TPGS1: variants seen among roughly 807,000 people sequenced by gnomAD.
The protein encoded by TPGS1 is gene trap ROSA b-geo 22.
A neutral mutation model predicts 11.9 loss-of-function variants in TPGS1; 18 were observed. The ratio of observed to expected loss-of-function variants is 1.51; its 90% CI spans 1.04 to 2.24. The LOEUF (loss-of-function observed/expected upper bound fraction) is 2.24. TPGS1 is among the 30% of genes most tolerant of loss of function. The pLI, the probability that TPGS1 is intolerant of heterozygous loss-of-function variation, is 0.00. For synonymous variants in TPGS1, 247 were observed against 218.2 expected (o/e 1.13, Z -1.16); for missense variants, 500 against 443.0 (o/e 1.13, Z -1.16).
intron 1 of TPGS1, among the ~76,000 whole-genome samples, chr19:516,043 A>AG (rs1177582660): frequency 5.0e-4 from 66 of 131,446 alleles, no homozygotes; most frequent in African/African-American, 1.5e-3. Flanking sequence ...AAAAAAAAAA[A>AG]AAAAGGAAGA....
In TPGS1 at chr19:519,605, CCCCCGCGGG is replaced by C. The variant is rs1398015066; in HGVS notation, c.*183_*191del. The C allele has an allele frequency of 5.4e-5, 22 of 406,556 alleles. No homozygotes were observed. The highest frequency in any genetic ancestry group is 8.2e-5 in the Non-Finnish European group (21 of 257,320). The allele number at this position is 406,556 out of a possible 1,614,324, so 25.2% of individuals were successfully genotyped here. On this transcript the variant is annotated 3_prime_UTR_variant, in exon 2 of 2. Transcript: ENST00000359315. ...ACACAGCGCCGCGGCCGCCCCTCCACCCCCGCGGGAGCCCCTGCCCCACGCTAATAAAAT... is the reference window on the plus strand; with the variant it reads ...ACACAGCGCCGCGGCCGCCCCTCCACAGCCCCTGCCCCACGCTAATAAAAT...
At chr19:516,459 A>C (rs1490105221) in intron 1 of TPGS1, among the ~76,000 whole-genome samples, 2 of 149,104 alleles carry the variant, frequency 1.3e-5, no homozygotes, top group African/African-American at 2.5e-5. Context: ...ATCTTGGCTC[A>C]CCGCAACCTC....
intron 1 of TPGS1, chr19:509,985 C>T (rs1280463025): frequency 6.6e-6 from 1 of 152,402 alleles, no homozygotes; most frequent in African/African-American, 2.4e-5. Flanking sequence ...CTCATGGAGC[C>T]AGGCCTGCTC....
chr19:510,259 G>C (rs949781758), intron 1 of TPGS1: 4 of 152,214 alleles, frequency 2.6e-5, no homozygotes, highest in Admixed American at 2.6e-4. Context: ...TGTAGTCCCA[G>C]CTACTCGGGA....
chr19:516,461 C>T (rs1289334256), intron 1 of TPGS1, among the ~76,000 whole-genome samples: 1 of 151,732 alleles, frequency 6.6e-6, no homozygotes, highest in Non-Finnish European at 1.5e-5. Context: ...CTTGGCTCAC[C>T]GCAACCTCCA....
chr19:515,113 C>T (rs1978912343), intron 1 of TPGS1, among the ~76,000 whole-genome samples: 1 of 152,164 alleles, frequency 6.6e-6, no homozygotes, highest in Non-Finnish European at 1.5e-5. Context: ...CGGAAGCTGC[C>T]ACAGGCCACA....
intron 1 of TPGS1, among the ~76,000 whole-genome samples, chr19:517,381 G>A (rs2145834941): frequency 2.0e-5 from 1 of 49,114 alleles, no homozygotes; most frequent in Admixed American, 2.4e-4. Flanking sequence ...TGAGCTGGGT[G>A]GAGGCTGGGA....
chr19:512,540 C>G (rs1978827915), intron 1 of TPGS1, among the ~76,000 whole-genome samples: 1 of 152,240 alleles, frequency 6.6e-6, no homozygotes, highest in South Asian at 2.1e-4. Context: ...TGAGAAGTAG[C>G]ACGATGGCTC....
At chr19:511,391 C>T (rs1978790776) in intron 1 of TPGS1, among the ~76,000 whole-genome samples, 1 of 152,272 alleles carries the variant, frequency 6.6e-6, no homozygotes, top group Admixed American at 6.5e-5. Flanking sequence ...GTAATTACCT[C>T]TTTGTGTGTC....
chr19:515,558 T>A, intron 1 of TPGS1, among the ~76,000 whole-genome samples: 1 of 146,616 alleles, frequency 6.8e-6, no homozygotes, highest in Non-Finnish European at 1.5e-5. Context: ...GCCGACATGG[T>A]GAAACCCCGT....
Position 519,432 on chromosome 19 carries a change from G to A in TPGS1, c.*9G>A, listed in dbSNP as rs1979082523. The stretch of plus-strand genomic sequence containing the variant: ...TCAAGCCGGTGGGCTGAGGCCCGTG[G>A]GCCGCGCGGATCCGGGATCTGCGCT... On this transcript the variant is annotated 3_prime_UTR_variant, in exon 2 of 2. Transcript: ENST00000359315. The A allele has an allele frequency of 8.3e-7, 1 of 1,208,002 alleles. No individual in the cohort carries two copies. Among genetic ancestry groups the A allele is most frequent in the Non-Finnish European group, 1.0e-6 (1 of 971,422 alleles). 74.8% of individuals were successfully genotyped at this position (1,208,002 alleles called of 1,614,324 possible).
At chr19:515,402 A>T (rs76607596) in intron 1 of TPGS1, among the ~76,000 whole-genome samples, 1 of 146,146 alleles carries the variant, frequency 6.8e-6, no homozygotes, top group African/African-American at 2.5e-5. Flanking sequence ...CCCTGTCTCA[A>T]AAAAAAAAAA....
intron 1 of TPGS1, 114 bp downstream of exon 1, chr19:507,958 GTTGTAGTGCGCGATGCCTTC>G: frequency 1.2e-6 from 1 of 831,696 alleles, no homozygotes; most frequent in Non-Finnish European, 1.6e-6. Flanking sequence ...CTTGCTGGGA[GTTGTAGTGCGCGATGCCTTC>G]TTGGGTGGGA....
In TPGS1 at chr19:518,890, G is replaced by A. The variant is rs1483720232; in HGVS notation, c.340G>A (p.Ala114Thr). The A allele has an allele frequency of 9.9e-6, 15 of 1,520,824 alleles. No individual in the cohort carries two copies. Among genetic ancestry groups the A allele is most frequent in the Non-Finnish European group, 1.3e-5 (15 of 1,141,712 alleles). The allele number at this position is 1,520,824 out of a possible 1,614,324, so 94.2% of individuals were successfully genotyped here. ...HLRLAHHSQR[A>T]AFNNNVSVAY... The stretch of plus-strand genomic sequence containing the variant: ...CCCCCAACGTCCCCGTCTCCGCAGG[G>A]CCGCCTTCAACAACAACGTGAGCGT... The change falls in exon 2 of 2, where the codon GCC (alanine) becomes ACC (threonine). Residue 114 changes from alanine to threonine, a missense_variant and splice_region_variant. By Grantham distance (58) the Ala-to-Thr change is moderately conservative (BLOSUM62 0). Transcript: ENST00000359315.
chr19:514,040 C>T (rs1407640515), intron 1 of TPGS1, among the ~76,000 whole-genome samples: 1 of 150,986 alleles, frequency 6.6e-6, no homozygotes, highest in African/African-American at 2.4e-5. Context: ...ACAGACCCAG[C>T]ATTACTGAGC....
Position 519,375 on chromosome 19 carries a change from G to A in TPGS1, c.825G>A (p.Leu275=), listed in dbSNP as rs1979080469. ...PSAPMTREEF[L]ERAAALFIAK... ...CGCCCATGACCCGCGAGGAGTTTCT[G>A]GAGAGGGCCGCCGCGCTCTTCATCG... The change falls in exon 2 of 2, where the codon CTG becomes CTA. Residue 275 remains leucine, a synonymous_variant. Transcript: ENST00000359315. 2 of 1,222,908 alleles carry A rather than the reference G, an allele frequency of 1.6e-6. No homozygotes were observed. 75.8% of individuals were successfully genotyped at this position (1,222,908 alleles called of 1,614,324 possible).
At chr19:512,812 G>T (rs1023374941) in intron 1 of TPGS1, among the ~76,000 whole-genome samples, 2 of 152,260 alleles carry the variant, frequency 1.3e-5, no homozygotes, top group African/African-American at 4.8e-5. Flanking sequence ...GGCCTCCGAG[G>T]CGGGTCACGA....
At chr19:514,831 T>G (rs1357334910) in intron 1 of TPGS1, among the ~76,000 whole-genome samples, 1 of 151,812 alleles carries the variant, frequency 6.6e-6, no homozygotes, top group Non-Finnish European at 1.5e-5. Flanking sequence ...GGCCAGGGGG[T>G]TAAGCAGCCC....
chr19:516,027 G>A (rs150216313), intron 1 of TPGS1, among the ~76,000 whole-genome samples: 61 of 137,338 alleles, frequency 4.4e-4, no homozygotes, highest in Non-Finnish European at 6.5e-4. Flanking sequence ...GCGAGACTCC[G>A]TCTCAAAAAA....
Sources: gnomAD v4.1 joint callset for allele counts (sites outside exome capture counted in the v4.1 genomes callset) on GRCh38, gnomAD v4.1.1 for gene constraint, MANE v1.5 for transcripts, NCBI Gene and HGNC (gene_info 2026-07-23, HGNC 2026-07-21) for gene names.